Variants in B3GAT1 observed in about 807,000 individuals in gnomAD.
The protein encoded by B3GAT1 is galactosylgalactosylxylosylprotein 3-beta-glucuronosyltransferase 1.
A neutral mutation model predicts 28.4 loss-of-function variants in B3GAT1; 11 were observed. That is an observed-to-expected ratio of 0.39 (90% CI 0.24 to 0.64). B3GAT1 has a LOEUF of 0.64. B3GAT1 is among the 30% of genes least tolerant of loss of function. The pLI, the probability that B3GAT1 is intolerant of heterozygous loss-of-function variation, is 0.50. For missense variants in B3GAT1, 375 were observed against 491.0 expected (o/e 0.76, Z 2.23); for synonymous variants, 255 against 223.1 (o/e 1.14, Z -1.27).
intron 1 of B3GAT1, among the ~76,000 whole-genome samples, chr11:134,400,281 C>T (rs1944586666): frequency 6.6e-6 from 1 of 152,206 alleles, no homozygotes; most frequent in African/African-American, 2.4e-5. Flanking sequence ...AGAAGCTCCT[C>T]CGGGGGCGCC....
In B3GAT1 at chr11:134,387,775, C is replaced by G; in HGVS notation, c.-116G>C. 1 of 1,547,482 alleles carries G rather than the reference C, an allele frequency of 6.5e-7. No individual in the cohort carries two copies. Among genetic ancestry groups the G allele is most frequent in the Non-Finnish European group, 8.7e-7 (1 of 1,149,308 alleles). ...AGAAAAGAACAGGCATGGGCCGGGCCGGCCAGGCATGGAGAGGACAGAGCA... is the reference window on the plus strand; with the variant it reads ...AGAAAAGAACAGGCATGGGCCGGGCGGGCCAGGCATGGAGAGGACAGAGCA... On this transcript the variant is annotated 5_prime_UTR_variant, in exon 2 of 6. Coordinates refer to ENST00000312527, the MANE Select transcript of B3GAT1 (RefSeq NM_054025.3).
chr11:134,383,580 T>TC lies in B3GAT1; in HGVS notation c.621+99dup, dbSNP rs1344814481. On this transcript the variant is annotated intron_variant, in intron 3 of 5. Transcript: ENST00000312527. ...CCGCTCCCAGCCCGGCTTCCCGGGT[T>TC]CCCCCTGCGCGCGCCTCCGCACCCA... The TC allele has an allele frequency of 1.3e-5, 18 of 1,403,066 alleles. No individual in the cohort carries two copies. In the South Asian group the frequency reaches 2.3e-4, roughly 18 times the overall value. 86.9% of individuals were successfully genotyped at this position (1,403,066 alleles called of 1,614,324 possible).
In B3GAT1 at chr11:134,390,948, C is replaced by T. The variant is rs527324232; in HGVS notation, c.-281-3008G>A. ...CCCTCCTCTGCAATGGCTGCCCCCA[C>T]TGCAGGGCCCTAGCACCTGCTTGGA... is the stretch of plus-strand genomic sequence containing the variant. On this transcript the variant is annotated intron_variant, in intron 1 of 5. Coordinates refer to ENST00000312527, the MANE Select transcript of B3GAT1 (RefSeq NM_054025.3). 2.6e-5 allele frequency: 4 copies of T among 152,352 alleles called. No homozygotes were observed. The East Asian group carries it at 7.8e-4, about 30-fold the overall frequency. The allele number at this position is 152,352 out of a possible 1,614,324, so 9.4% of individuals were successfully genotyped here.
At chr11:134,388,414 C>T (rs1944342767) in intron 1 of B3GAT1, 1 of 157,594 alleles carries the variant, frequency 6.3e-6, no homozygotes, top group Admixed American at 5.9e-5. Flanking sequence ...GTTTTATTTT[C>T]TCTCTCTCTT....
chr11:134,385,233 T>C (rs1944247906), intron 2 of B3GAT1: 1 of 152,312 alleles, frequency 6.6e-6, no homozygotes, highest in Admixed American at 6.5e-5. Flanking sequence ...CTCTGCTTCC[T>C]TCTGGCTTCA....
intron 1 of B3GAT1, among the ~76,000 whole-genome samples, chr11:134,408,765 T>C (rs1333109259): frequency 9.9e-6 from 1 of 101,340 alleles, no homozygotes; most frequent in African/African-American, 4.9e-5. Flanking sequence ...CCTGCACCTA[T>C]TCCAGTGGGG....
chr11:134,386,324 CTTGT>C (rs1944284708), intron 2 of B3GAT1: 1 of 152,296 alleles, frequency 6.6e-6, no homozygotes, highest in African/African-American at 2.4e-5. Flanking sequence ...GTGCTGCCTT[CTTGT>C]TTATCACACT....
At chr11:134,389,484 T>C (rs1304991616) in intron 1 of B3GAT1, 1 of 152,302 alleles carries the variant, frequency 6.6e-6, no homozygotes, top group African/African-American at 2.4e-5. Context: ...GTAGCATCTC[T>C]GGGAACCGTT....
At chr11:134,394,315 T>G (rs1029663076) in intron 1 of B3GAT1, among the ~76,000 whole-genome samples, 1 of 152,200 alleles carries the variant, frequency 6.6e-6, no homozygotes, top group African/African-American at 2.4e-5. Flanking sequence ...TCGTCCCCAT[T>G]TTGCATGTGA....
chr11:134,381,450 G>A lies in B3GAT1; in HGVS notation c.*14+474C>T, dbSNP rs141383085. Among the ~76,000 whole-genome samples the A allele has an allele frequency of 1.8e-4, 28 of 152,322 alleles. No homozygotes were observed. The East Asian group carries it at 5.0e-3, about 27-fold the overall frequency. ...AAGAGCAGGGGTCCTGGGAGCTGAG[G>A]TGGGCTCTGGGTCCGTGCTGTCACT... On this transcript the variant is annotated intron_variant, in intron 5 of 5. Coordinates refer to ENST00000312527, the MANE Select transcript of B3GAT1 (RefSeq NM_054025.3).
chr11:134,401,291 G>A (rs937547947), intron 1 of B3GAT1, among the ~76,000 whole-genome samples: 2 of 152,158 alleles, frequency 1.3e-5, no homozygotes, highest in African/African-American at 2.4e-5. Context: ...CATGTTTATC[G>A]CAGCACTATT....
rs1322990597 is a variant in B3GAT1 at position 134,387,668 on chromosome 11, C to T, written c.-9G>A. ...TCCCGTCTCTTCGGCATCTCCAAGG[C>T]TGGCTGCACCCACGGCTCCTCATTA... is the stretch of plus-strand genomic sequence containing the variant. On this transcript the variant is annotated 5_prime_UTR_variant, in exon 2 of 6. Transcript: ENST00000312527. The T allele has an allele frequency of 6.2e-7, 1 of 1,613,968 alleles. No homozygotes were observed. The highest frequency in any genetic ancestry group is 8.5e-7 in the Non-Finnish European group (1 of 1,180,004).
chr11:134,391,100 GA>G (rs1944402874), intron 1 of B3GAT1: 1 of 152,264 alleles, frequency 6.6e-6, no homozygotes, highest in Non-Finnish European at 1.5e-5. Flanking sequence ...AGAGAAAAGG[GA>G]GGGGGAGAGA....
chr11:134,412,100 C>G lies in B3GAT1; in HGVS notation c.-575G>C, dbSNP rs868408339. Among the ~76,000 whole-genome samples the G allele has an allele frequency of 1.5e-3, 25 of 16,278 alleles. 1 individual carries two copies. The highest frequency in any genetic ancestry group is 4.2e-3 in the South Asian group (1 of 236). The allele number at this position is 16,278 out of a possible 152,430, so 10.7% of individuals were successfully genotyped here. A position where few individuals can be genotyped will look rare whatever the true frequency, so the allele number is the denominator to read the frequency against. ...GGGCAGGGAGGCGGGGGGCGGGGGG[C>G]GGGGAGGGGGAGCGGGGAGGGGGAG... On this transcript the variant is annotated 5_prime_UTR_variant, in exon 1 of 6. Transcript: ENST00000312527.
chr11:134,385,389 A>G (rs947696654), intron 2 of B3GAT1: 4 of 152,336 alleles, frequency 2.6e-5, no homozygotes, highest in Admixed American at 1.3e-4. Flanking sequence ...GAACGGACCC[A>G]GGAGGCCTGC....
At chr11:134,397,645 A>G (rs1026572919) in intron 1 of B3GAT1, among the ~76,000 whole-genome samples, 159 of 152,202 alleles carry the variant, frequency 1.0e-3, no homozygotes, top group African/African-American at 3.7e-3. Flanking sequence ...ATTCCCACCC[A>G]GAGCCGCGGG....
rs1316692201 is a variant in B3GAT1 at position 134,380,045 on chromosome 11, A to AG, written c.*716dup. The AG allele has an allele frequency of 6.6e-6, 1 of 152,468 alleles. No individual in the cohort carries two copies. The highest frequency in any genetic ancestry group is 2.4e-5 in the African/African-American group (1 of 41,334). 9.4% of individuals were successfully genotyped at this position (152,468 alleles called of 1,614,324 possible). A position where few individuals can be genotyped will look rare whatever the true frequency, so the allele number is the denominator to read the frequency against. The stretch of plus-strand genomic sequence containing the variant: ...GCTGGAGGAGAAGGGGTAAAGGAAG[A>AG]GGGGCCGGAGGGGGGGACTCTGCTC... On this transcript the variant is annotated 3_prime_UTR_variant, in exon 6 of 6. Coordinates refer to ENST00000312527, the MANE Select transcript of B3GAT1 (RefSeq NM_054025.3).
intron 1 of B3GAT1, among the ~76,000 whole-genome samples, chr11:134,395,449 C>T (rs983585428): frequency 5.3e-5 from 8 of 152,002 alleles, no homozygotes; most frequent in South Asian, 2.1e-4. Flanking sequence ...TGGAGGAAGG[C>T]GTTCGGCAGG....
At chr11:134,391,236 C>G (rs549530268) in intron 1 of B3GAT1, 16 of 152,328 alleles carry the variant, frequency 1.1e-4, no homozygotes, top group African/African-American at 3.4e-4. Flanking sequence ...GTAGCAAAAT[C>G]GTGGAGCTAA....
Sources: allele counts gnomAD v4.1 joint callset (sites outside exome capture counted in the v4.1 genomes callset), GRCh38; gene constraint gnomAD v4.1.1; transcripts MANE v1.5; gene names NCBI Gene and HGNC (gene_info 2026-07-23, HGNC 2026-07-21).